Variants in CTNNA3 observed in about 807,000 individuals in gnomAD.
The protein encoded by CTNNA3 is catenin alpha 3.
In CTNNA3, 76 loss-of-function variants were observed where a neutral mutation model predicts 95.7. The ratio of observed to expected loss-of-function variants is 0.79; its 90% CI spans 0.66 to 0.96. CTNNA3 has a LOEUF of 0.96. CTNNA3 is among the 40% of genes least tolerant of loss of function. The probability of loss-of-function intolerance (pLI) is 0.00; values close to 1 mark genes in which losing one functional copy is unlikely to be tolerated. For synonymous variants in CTNNA3, 431 were observed against 374.4 expected, an observed-to-expected ratio of 1.15 and a Z score of -1.74; for missense variants, 1,191 against 1,089.8, an observed-to-expected ratio of 1.09 and a Z score of -1.31.
intron 5 of CTNNA3, among the ~76,000 whole-genome samples, chr10:67,391,525 G>T (rs568516568): frequency 1.9e-3 from 292 of 151,936 alleles, no homozygotes; most frequent in Non-Finnish European, 3.2e-3. Flanking sequence ...AGCTACCAAT[G>T]CCTTTCTTCA....
intron 15 of CTNNA3, among the ~76,000 whole-genome samples, chr10:66,003,581 G>T (rs1354011581): frequency 1.3e-5 from 2 of 152,170 alleles, no homozygotes; most frequent in Non-Finnish European, 2.9e-5. Context: ...GGTAGAATTA[G>T]AATGAAGAAT....
At chr10:66,148,706 A>T (rs557944231) in intron 13 of CTNNA3, among the ~76,000 whole-genome samples, 1 of 109,700 alleles carries the variant, frequency 9.1e-6, no homozygotes, top group East Asian at 2.6e-4. Flanking sequence ...AGCCTCCAGG[A>T]CTATGAGAAA....
chr10:66,166,721 AG>A (rs2085151496), intron 13 of CTNNA3, among the ~76,000 whole-genome samples: 1 of 152,040 alleles, frequency 6.6e-6, no homozygotes, highest in African/African-American at 2.4e-5. Flanking sequence ...CAACTAGAGA[AG>A]TAATCACATA....
At chr10:67,102,963 A>C (rs761935422) in intron 7 of CTNNA3, among the ~76,000 whole-genome samples, 13 of 151,746 alleles carry the variant, frequency 8.6e-5, no homozygotes, top group Admixed American at 1.3e-4. Context: ...TGGATGGATA[A>C]ATTTGACAAA....
intron 7 of CTNNA3, among the ~76,000 whole-genome samples, chr10:66,892,038 T>C (rs140525935): frequency 7.2e-5 from 11 of 152,096 alleles, no homozygotes; most frequent in Non-Finnish European, 1.5e-4. Context: ...TATTGTATAA[T>C]AATCACTAAA....
At chr10:67,099,135 C>T (rs1431340320) in intron 7 of CTNNA3, 1 of 151,668 alleles carries the variant, frequency 6.6e-6, no homozygotes, top group Non-Finnish European at 1.5e-5. Flanking sequence ...AAAGAAATAA[C>T]TCAGAGTAAT....
chr10:67,490,829 C>G (rs535555962), intron 5 of CTNNA3, among the ~76,000 whole-genome samples: 6 of 152,126 alleles, frequency 3.9e-5, no homozygotes, highest in Middle Eastern at 3.4e-3. Flanking sequence ...GAGAAGCACT[C>G]TGGAAACTAC....
intron 7 of CTNNA3, among the ~76,000 whole-genome samples, chr10:66,922,406 CTT>C (rs1846838316): frequency 6.6e-6 from 1 of 152,180 alleles, no homozygotes; most frequent in Non-Finnish European, 1.5e-5. Context: ...AGAACACAGT[CTT>C]TTCTTTTTCT....
intron 7 of CTNNA3, among the ~76,000 whole-genome samples, chr10:66,985,195 C>A (rs1431293126): frequency 6.6e-6 from 1 of 152,118 alleles, no homozygotes; most frequent in Admixed American, 6.5e-5. Context: ...GAGTAAAAAA[C>A]AAATCAGGTA....
chr10:67,682,157 T>C (rs1198001265), intron 1 of CTNNA3, among the ~76,000 whole-genome samples: 1 of 138,520 alleles, frequency 7.2e-6, no homozygotes, highest in Non-Finnish European at 1.6e-5. Context: ...AAACCCCGTC[T>C]CAAAAAAAAA....
chr10:66,649,279 T>C (rs1259811080), intron 9 of CTNNA3, among the ~76,000 whole-genome samples: 1 of 152,002 alleles, frequency 6.6e-6, no homozygotes, highest in South Asian at 2.1e-4. Flanking sequence ...GGAAGAGAAC[T>C]TTCCAGTGCT....
intron 7 of CTNNA3, among the ~76,000 whole-genome samples, chr10:66,982,120 TA>T (rs1428677117): frequency 6.6e-6 from 1 of 152,214 alleles, no homozygotes; most frequent in African/African-American, 2.4e-5. Context: ...TATGCTAGCA[TA>T]GACCAAGATC....
chr10:66,164,236 C>G (rs1175541324), intron 13 of CTNNA3, among the ~76,000 whole-genome samples: 1 of 151,868 alleles, frequency 6.6e-6, no homozygotes, highest in East Asian at 1.9e-4. Context: ...AATTAAAAAC[C>G]CAAATATGAT....
chr10:67,212,379 T>C (rs1314656766), intron 6 of CTNNA3, among the ~76,000 whole-genome samples: 1 of 152,000 alleles, frequency 6.6e-6, no homozygotes, highest in Non-Finnish European at 1.5e-5. Context: ...ATGTGTTGTT[T>C]AGTTTTGCTT....
Position 66,854,740 on chromosome 10 carries a change from G to A in CTNNA3, c.1048-79216C>T, listed in dbSNP as rs557409744. Among the ~76,000 whole-genome samples the A allele has an allele frequency of 8.0e-5, 10 of 125,712 alleles. No individual in the cohort carries two copies. In the East Asian group the frequency reaches 1.8e-3, roughly 22 times the overall value. The allele number at this position is 125,712 out of a possible 152,430, so 82.5% of individuals were successfully genotyped here. A position where few individuals can be genotyped will look rare whatever the true frequency, so the allele number is the denominator to read the frequency against. ...GATGTGTGTGGGTAAAGAAGAAAATGTCATTTTTTTTTTTTGTCCATAGGC... is the reference window on the plus strand; with the variant it reads ...GATGTGTGTGGGTAAAGAAGAAAATATCATTTTTTTTTTTTGTCCATAGGC... On this transcript the variant is annotated intron_variant, in intron 7 of 17. Transcript: ENST00000433211.
chr10:67,014,958 A>G (rs533260173), intron 7 of CTNNA3, among the ~76,000 whole-genome samples: 1 of 152,214 alleles, frequency 6.6e-6, no homozygotes, highest in East Asian at 1.9e-4. Context: ...TAATTTGACT[A>G]AAGAAAATTT....
intron 7 of CTNNA3, among the ~76,000 whole-genome samples, chr10:67,017,421 T>C (rs1362094284): frequency 6.6e-6 from 1 of 152,154 alleles, no homozygotes; most frequent in Non-Finnish European, 1.5e-5. Flanking sequence ...CAGAGTTGAT[T>C]ATGTGGAATA....
At chr10:67,733,391 T>C (rs116752536) in intron 1 of CTNNA3, among the ~76,000 whole-genome samples, 1,591 of 152,258 alleles carry the variant, frequency 0.01, 25 homozygotes, top group African/African-American at 0.036. Context: ...ACATCTAAAA[T>C]GGAATTCTGG....
chr10:67,644,339 G>T (rs1839635646), intron 2 of CTNNA3, among the ~76,000 whole-genome samples: 1 of 152,066 alleles, frequency 6.6e-6, no homozygotes, highest in Admixed American at 6.5e-5. Context: ...CTTCTTTTGA[G>T]AAGTGTCTGT....
Sources: allele counts gnomAD v4.1 joint callset (sites outside exome capture counted in the v4.1 genomes callset), GRCh38; gene constraint gnomAD v4.1.1; transcripts MANE v1.5; gene names NCBI Gene and HGNC (gene_info 2026-07-23, HGNC 2026-07-21).